UNC5C: variants seen among roughly 807,000 people sequenced by gnomAD.
The protein encoded by UNC5C is netrin receptor UNC5C.
Under a neutral mutation model 99.8 loss-of-function variants are expected in UNC5C, and 47 were observed. The ratio of observed to expected loss-of-function variants is 0.47; its 90% CI spans 0.37 to 0.60. The LOEUF (loss-of-function observed/expected upper bound fraction) is 0.60, where lower values mean the gene tolerates loss of function less well. Among genes scored for constraint, UNC5C ranks in the 20% least tolerant of loss-of-function variants. UNC5C has a pLI of 0.00. For missense variants in UNC5C, 1,062 were observed against 1,165.9 expected (o/e 0.91, Z 1.30); for synonymous variants, 487 against 452.2 (o/e 1.08, Z -0.98).
intron 3 of UNC5C, among the ~76,000 whole-genome samples, chr4:95,291,883 T>C (rs1294501933): frequency 6.6e-6 from 1 of 152,094 alleles, no homozygotes; most frequent in East Asian, 1.9e-4. Context: ...ATGGTTGTTA[T>C]ACAAGGTATC....
intron 2 of UNC5C, among the ~76,000 whole-genome samples, chr4:95,328,216 TC>T (rs1295369640): frequency 1.8e-5 from 1 of 55,100 alleles, no homozygotes; most frequent in African/African-American, 7.1e-5. Flanking sequence ...CCCTCCCCCC[TC>T]CCCCGACCCC....
At chr4:95,314,541 T>C (rs1187998850) in intron 2 of UNC5C, among the ~76,000 whole-genome samples, 1 of 152,216 alleles carries the variant, frequency 6.6e-6, no homozygotes, top group Admixed American at 6.6e-5. Flanking sequence ...GGCAGAGACA[T>C]TAAGCAATTG....
chr4:95,529,044 C>G (rs759341640), intron 1 of UNC5C, among the ~76,000 whole-genome samples: 1 of 151,206 alleles, frequency 6.6e-6, no homozygotes, highest in Non-Finnish European at 1.5e-5. Flanking sequence ...TTTTCATATC[C>G]GTTTACCAGC....
At chr4:95,194,693 C>A (rs1470640535) in intron 12 of UNC5C, among the ~76,000 whole-genome samples, 1 of 152,202 alleles carries the variant, frequency 6.6e-6, no homozygotes, top group African/African-American at 2.4e-5. Context: ...AGACTGGACT[C>A]ACCCAGATGG....
At chr4:95,448,238 G>GAGAGAC (rs1747175649) in intron 1 of UNC5C, among the ~76,000 whole-genome samples, 73 of 137,016 alleles carry the variant, frequency 5.3e-4, no homozygotes, top group Non-Finnish European at 1.0e-3. Flanking sequence ...GAGAGAGAGA[G>GAGAGAC]AGAGAGAGAG....
At chr4:95,447,657 C>G (rs1013137504) in intron 1 of UNC5C, among the ~76,000 whole-genome samples, 1 of 152,084 alleles carries the variant, frequency 6.6e-6, no homozygotes, top group African/African-American at 2.4e-5. Context: ...CCTGTCACCA[C>G]GCCCAGCTAA....
At chr4:95,206,549 TA>T in intron 11 of UNC5C, 78 bp downstream of exon 11, 1 of 1,585,066 alleles carries the variant, frequency 6.3e-7, no homozygotes. Context: ...GCTTTATAAA[TA>T]AAAGGCCTCC....
chr4:95,372,676 T>C (rs898861024), intron 1 of UNC5C, among the ~76,000 whole-genome samples: 1 of 152,136 alleles, frequency 6.6e-6, no homozygotes, highest in African/African-American at 2.4e-5. Flanking sequence ...CATTCAAAAT[T>C]AGATCTAAGG....
At chr4:95,437,921 T>G (rs1746838588) in intron 1 of UNC5C, among the ~76,000 whole-genome samples, 1 of 152,064 alleles carries the variant, frequency 6.6e-6, no homozygotes. Context: ...TGTGGTTTAT[T>G]TGGATGGTAA....
At chr4:95,186,353 C>G (rs952977523) in intron 12 of UNC5C, among the ~76,000 whole-genome samples, 1 of 152,124 alleles carries the variant, frequency 6.6e-6, no homozygotes, top group Non-Finnish European at 1.5e-5. Context: ...GGGTACCCAC[C>G]AGGGTACCAA....
intron 12 of UNC5C, among the ~76,000 whole-genome samples, chr4:95,192,212 T>A: frequency 7.9e-6 from 1 of 126,988 alleles, no homozygotes; most frequent in East Asian, 2.9e-4. Context: ...TACTCACCTC[T>A]TTTGCTCGCC....
At chr4:95,287,089 G>A (rs1741265103) in intron 3 of UNC5C, among the ~76,000 whole-genome samples, 1 of 152,130 alleles carries the variant, frequency 6.6e-6, no homozygotes. Context: ...AAAATCCCCA[G>A]AGCCTTTTGC....
intron 14 of UNC5C, among the ~76,000 whole-genome samples, chr4:95,177,679 T>C (rs1427014851): frequency 6.6e-6 from 1 of 152,088 alleles, no homozygotes; most frequent in African/African-American, 2.4e-5. Context: ...CAAATACATA[T>C]ATATATGTAT....
intron 14 of UNC5C, 67 bp from the exon 15 acceptor site, chr4:95,170,399 A>T: frequency 6.6e-7 from 1 of 1,523,632 alleles, no homozygotes; most frequent in Non-Finnish European, 9.0e-7. Context: ...TATTGAACCA[A>T]TCAACATAAT....
At chr4:95,344,147 T>G (rs979496827) in intron 1 of UNC5C, among the ~76,000 whole-genome samples, 1 of 151,786 alleles carries the variant, frequency 6.6e-6, no homozygotes, top group Non-Finnish European at 1.5e-5. Flanking sequence ...AGACATTTAA[T>G]AATCAAACTC....
intron 12 of UNC5C, among the ~76,000 whole-genome samples, chr4:95,193,338 G>A (rs6840355): frequency 0.026 from 3,900 of 152,272 alleles, 168 homozygotes; most frequent in African/African-American, 0.088. Context: ...TTTTGCTTTG[G>A]TTCGGCTTTC....
At chr4:95,258,055 G>T (rs1740073573) in intron 4 of UNC5C, among the ~76,000 whole-genome samples, 1 of 152,152 alleles carries the variant, frequency 6.6e-6, no homozygotes, top group Admixed American at 6.5e-5. Context: ...TTTTCATGCA[G>T]TATTTCCAGA....
At chr4:95,418,918 C>T (rs1249528276) in intron 1 of UNC5C, among the ~76,000 whole-genome samples, 2 of 152,136 alleles carry the variant, frequency 1.3e-5, no homozygotes, top group South Asian at 2.1e-4. Flanking sequence ...CTGCCTCCTG[C>T]CCCGACTTCA....
chr4:95,471,074 A>G (rs193059964), intron 1 of UNC5C, among the ~76,000 whole-genome samples: 1 of 151,688 alleles, frequency 6.6e-6, no homozygotes, highest in African/African-American at 2.4e-5. Flanking sequence ...CCTTCATGCA[A>G]CTTCTTAAAT....
Sources: allele counts gnomAD v4.1 joint callset (sites outside exome capture counted in the v4.1 genomes callset), GRCh38; gene constraint gnomAD v4.1.1; transcripts MANE v1.5; gene names NCBI Gene and HGNC (gene_info 2026-07-23, HGNC 2026-07-21).